PLB1: variants seen among roughly 807,000 people sequenced by gnomAD.
PLB1 encodes phospholipase B1.
Under a neutral mutation model 227.4 loss-of-function variants are expected in PLB1, and 242 were observed. The observed-to-expected ratio is 1.06, with a 90% CI of 0.96 to 1.18. The LOEUF (loss-of-function observed/expected upper bound fraction) is 1.18, where lower values mean the gene tolerates loss of function less well. Ranked by LOEUF, PLB1 falls within the 50% of genes most tolerant of loss-of-function variation. The probability of loss-of-function intolerance (pLI) is 0.00; values close to 1 mark genes in which losing one functional copy is unlikely to be tolerated. For synonymous variants in PLB1, 757 were observed against 682.2 expected, an observed-to-expected ratio of 1.11 and a Z score of -1.71; for missense variants, 1,858 against 1,816.3, an observed-to-expected ratio of 1.02 and a Z score of -0.42.
chr2:28,575,536 A>C (rs1383096436), intron 21 of PLB1, among the ~76,000 whole-genome samples: 1 of 152,144 alleles, frequency 6.6e-6, no homozygotes, highest in African/African-American at 2.4e-5. Context: ...AAGGTGAAAG[A>C]GTATCCAAAG....
At chr2:28,505,406 A>G (rs1667536430) in intron 1 of PLB1, among the ~76,000 whole-genome samples, 1 of 152,216 alleles carries the variant, frequency 6.6e-6, no homozygotes, top group South Asian at 2.1e-4. Context: ...TCATTAACTC[A>G]ACTGCAGTCG....
intron 9 of PLB1, among the ~76,000 whole-genome samples, chr2:28,535,235 A>G (rs531176073): frequency 3.9e-4 from 59 of 152,388 alleles, no homozygotes; most frequent in Non-Finnish European, 4.4e-4. Flanking sequence ...CATGATGTCC[A>G]TAAATTTAGC....
intron 1 of PLB1, among the ~76,000 whole-genome samples, chr2:28,504,071 T>A (rs1262625059): frequency 6.6e-6 from 1 of 152,204 alleles, no homozygotes; most frequent in Non-Finnish European, 1.5e-5. Flanking sequence ...ATTACTTCCA[T>A]CAGTTTTGAA....
At chr2:28,535,829 C>G (rs1288587382) in intron 9 of PLB1, among the ~76,000 whole-genome samples, 1 of 152,062 alleles carries the variant, frequency 6.6e-6, no homozygotes, top group Non-Finnish European at 1.5e-5. Flanking sequence ...GCTGAGGCAA[C>G]AGAATCACTA....
At chr2:28,558,529 A>G (rs1675516607) in intron 17 of PLB1, among the ~76,000 whole-genome samples, 1 of 152,216 alleles carries the variant, frequency 6.6e-6, no homozygotes, top group Admixed American at 6.5e-5. Flanking sequence ...TCTCCTGCAC[A>G]GCCTGATGGA....
intron 1 of PLB1, among the ~76,000 whole-genome samples, chr2:28,509,822 A>G (rs977582086): frequency 4.6e-5 from 7 of 152,190 alleles, no homozygotes; most frequent in East Asian, 1.9e-4. Flanking sequence ...CAGTGCTTCA[A>G]TAATTTCTTC....
intron 46 of PLB1, among the ~76,000 whole-genome samples, chr2:28,619,762 G>A (rs913721120): frequency 1.3e-5 from 2 of 152,138 alleles, no homozygotes; most frequent in African/African-American, 4.8e-5. Context: ...GACTGGGAAG[G>A]AGGGAGCAAA....
Position 28,593,711 on chromosome 2 carries a change from G to A in PLB1, c.2278G>A (p.Asp760Asn), listed in dbSNP as rs772130117. The A allele has an allele frequency of 1.3e-5, 21 of 1,614,056 alleles. No homozygotes were observed. The East Asian group carries it at 2.5e-4, about 19-fold the overall frequency. The change falls in exon 33 of 58, where the codon GAC becomes AAC. Residue 760 changes from aspartate to asparagine, a missense_variant. Physicochemically the swap from Asp to Asn is conservative, Grantham distance 23. Transcript: ENST00000327757. ...CAATGGAATTGGCTCCAAACCAGAC[G>A]ACCTCCCCGATGTCACCACACAGTA... ...AGNGIGSKPD[D>N]LPDVTTQYRG...
At chr2:28,567,412 G>C (rs1426645451) in intron 20 of PLB1, among the ~76,000 whole-genome samples, 1 of 151,626 alleles carries the variant, frequency 6.6e-6, no homozygotes, top group Non-Finnish European at 1.5e-5. Context: ...GCCATTTTGG[G>C]ACTCAGCACT....
intron 4 of PLB1, among the ~76,000 whole-genome samples, chr2:28,522,836 C>G (rs923475629): frequency 6.6e-6 from 1 of 152,176 alleles, no homozygotes; most frequent in Non-Finnish European, 1.5e-5. Context: ...CAATTCCTTG[C>G]AAGCCTTCTT....
At chr2:28,604,453 C>T (rs1403109141) in intron 40 of PLB1, among the ~76,000 whole-genome samples, 1 of 152,206 alleles carries the variant, frequency 6.6e-6, no homozygotes, top group African/African-American at 2.4e-5. Context: ...AGTCTACTTA[C>T]AATCAAAACA....
Position 28,630,575 on chromosome 2 carries a change from C to A in PLB1, c.3819-11C>A. The A allele has an allele frequency of 6.2e-7, 1 of 1,610,558 alleles. No individual in the cohort carries two copies. Among genetic ancestry groups the A allele is most frequent in the Non-Finnish European group, 8.5e-7 (1 of 1,178,930 alleles). ...CCAGGCAGCCTCAATACAACACTCC[C>A]TGTCTCACAGGAACAACTGCACTTG... On this transcript the variant is annotated splice_polypyrimidine_tract_variant and intron_variant, in intron 53 of 57. Transcript: ENST00000327757.
rs1463480654 is a variant in PLB1, at chr2:28,532,089, C to T, written c.469-19C>T. 4 of 1,582,950 alleles carry T rather than the reference C, an allele frequency of 2.5e-6. No individual in the cohort carries two copies. The East Asian group carries it at 9.0e-5, about 36-fold the overall frequency. ...GTCTTAACACAATCTCCTTTTCATG[C>T]TGTTGCCCTTTTATTCAGCAACTTG... On this transcript the variant is annotated intron_variant, in intron 8 of 57. Coordinates refer to ENST00000327757, the MANE Select transcript of PLB1 (RefSeq NM_153021.5).
chr2:28,501,643 G>C (rs1447427941), intron 1 of PLB1, among the ~76,000 whole-genome samples: 1 of 152,014 alleles, frequency 6.6e-6, no homozygotes, highest in Admixed American at 6.6e-5. Context: ...ATTCCTGTAG[G>C]TAACCAATTT....
intron 1 of PLB1, among the ~76,000 whole-genome samples, chr2:28,497,840 T>G (rs2148149791): frequency 6.6e-6 from 1 of 152,090 alleles, no homozygotes; most frequent in African/African-American, 2.4e-5. Flanking sequence ...TGCCTCAGCC[T>G]CCTGAGTAGC....
chr2:28,620,814 TCA>T lies in PLB1; in HGVS notation c.3428-64_3428-63del. On this transcript the variant is annotated intron_variant, in intron 48 of 57. Coordinates refer to ENST00000327757, the MANE Select transcript of PLB1 (RefSeq NM_153021.5). ...CATGTCCCCACCCTGCATGCTCATCTCAGTTACTGTGAGGGTCCTGCAGGCTC... is the reference window on the plus strand; with the variant it reads ...CATGTCCCCACCCTGCATGCTCATCTGTTACTGTGAGGGTCCTGCAGGCTC... The T allele has an allele frequency of 2.8e-6, 4 of 1,441,788 alleles. No individual in the cohort carries two copies. In the South Asian group the frequency reaches 3.4e-5, roughly 12 times the overall value. 89.3% of individuals were successfully genotyped at this position (1,441,788 alleles called of 1,614,324 possible). A position where few individuals can be genotyped will look rare whatever the true frequency, so the allele number is the denominator to read the frequency against.
chr2:28,605,332 C>T (rs1346591116), intron 41 of PLB1, among the ~76,000 whole-genome samples: 1 of 152,130 alleles, frequency 6.6e-6, no homozygotes, highest in African/African-American at 2.4e-5. Flanking sequence ...TCCCAAGAGC[C>T]TCACCTAACT....
At chr2:28,630,135 G>A (rs566807966) in intron 53 of PLB1, among the ~76,000 whole-genome samples, 7 of 152,196 alleles carry the variant, frequency 4.6e-5, no homozygotes, top group Non-Finnish European at 1.0e-4. Context: ...AGGGTCCTAA[G>A]CAGTTGCAGG....
rs183542009 is a variant in PLB1, at chr2:28,552,102, T to C, written c.1084-826T>C. On this transcript the variant is annotated intron_variant, in intron 16 of 57. Transcript: ENST00000327757. The stretch of plus-strand genomic sequence containing the variant: ...AAGTCAACAGGCAATTATAGCACAA[T>C]GGTACTATAATAGGTACTGTAATGC... 3.6e-4 allele frequency among the ~76,000 whole-genome samples: 55 copies of C among 152,304 alleles called. 1 individual carries two copies. In the East Asian group the frequency reaches 9.8e-3, roughly 27 times the overall value.
Sources: gnomAD v4.1 joint callset for allele counts (sites outside exome capture counted in the v4.1 genomes callset) on GRCh38, gnomAD v4.1.1 for gene constraint, MANE v1.5 for transcripts, NCBI Gene and HGNC (gene_info 2026-07-23, HGNC 2026-07-21) for gene names.